Variants in IFT122 observed in about 807,000 individuals in gnomAD.
IFT122 encodes the protein intraflagellar transport protein 122 homolog.
In IFT122, 118 loss-of-function variants were observed where a neutral mutation model predicts 161.6. That is an observed-to-expected ratio of 0.73 (90% confidence interval 0.63 to 0.85). The LOEUF (loss-of-function observed/expected upper bound fraction) is 0.85, where lower values mean the gene tolerates loss of function less well. IFT122 is among the 40% of genes least tolerant of loss of function. The pLI is 0.00. For synonymous variants in IFT122, 550 were observed against 602.4 expected, an observed-to-expected ratio of 0.91 and a Z score of 1.27; for missense variants, 1,381 against 1,579.6, an observed-to-expected ratio of 0.87 and a Z score of 2.13.
chr3:129,489,178 A>G (rs1475374060), intron 16 of IFT122, among the ~76,000 whole-genome samples: 11 of 152,224 alleles, frequency 7.2e-5, no homozygotes, highest in Admixed American at 5.9e-4. Flanking sequence ...AGGAGTGGCA[A>G]AGAGGGACGT....
chr3:129,466,877 T>G lies in IFT122; in HGVS notation c.564-13T>G. ...AGGCAATGTAATTTTGAACAACTAC[T>G]TACTGTCTACAGCCGATGGGAGAGT... On this transcript the variant is annotated splice_polypyrimidine_tract_variant and intron_variant, in intron 7 of 29. Transcript: ENST00000348417. The G allele has an allele frequency of 6.2e-7, 1 of 1,613,026 alleles. No individual in the cohort carries two copies. Among genetic ancestry groups the G allele is most frequent in the Non-Finnish European group, 8.5e-7 (1 of 1,178,930 alleles).
At chr3:129,490,133 G>T (rs1056356739) in intron 16 of IFT122, among the ~76,000 whole-genome samples, 8 of 152,182 alleles carry the variant, frequency 5.3e-5, no homozygotes, top group African/African-American at 1.9e-4. Flanking sequence ...AAAGTGCTGG[G>T]ATTACAGGTA....
chr3:129,447,652 A>G (rs2074187104), intron 1 of IFT122, among the ~76,000 whole-genome samples: 1 of 152,102 alleles, frequency 6.6e-6, no homozygotes, highest in Admixed American at 6.5e-5. Flanking sequence ...AGCTGGGATT[A>G]CAGGCGCCCG....
chr3:129,492,819 T>C (rs1386242787), intron 17 of IFT122, among the ~76,000 whole-genome samples: 2 of 149,672 alleles, frequency 1.3e-5, no homozygotes, highest in Non-Finnish European at 3.0e-5. Context: ...TTTTTTTCTT[T>C]TTTTTTTTTT....
chr3:129,459,652 TCTTC>T lies in IFT122; in HGVS notation c.272+989_272+992del, dbSNP rs1189521762. Among the ~76,000 whole-genome samples the T allele has an allele frequency of 9.7e-3, 893 of 92,526 alleles. 24 individuals carry two copies. Among genetic ancestry groups the T allele is most frequent in the African/African-American group, 0.034 (755 of 22,178 alleles). 60.7% of individuals were successfully genotyped at this position (92,526 alleles called of 152,430 possible). A position where few individuals can be genotyped will look rare whatever the true frequency, so the allele number is the denominator to read the frequency against. On this transcript the variant is annotated intron_variant, in intron 4 of 29. Coordinates refer to ENST00000348417, the MANE Select transcript of IFT122 (RefSeq NM_052989.3). ...TCCTTCCTTCCCTCCCTCCCTCCCT[TCTTC>T]CTTCCTTCCTTCCCTCCCTCCCTCC...
At chr3:129,454,840 C>A (rs1295439386) in intron 3 of IFT122, among the ~76,000 whole-genome samples, 1 of 152,138 alleles carries the variant, frequency 6.6e-6, no homozygotes, top group Non-Finnish European at 1.5e-5. Flanking sequence ...TTGCAGAGTC[C>A]TGTCACACAC....
intron 1 of IFT122, among the ~76,000 whole-genome samples, chr3:129,447,547 C>T (rs962966321): frequency 2.6e-5 from 4 of 152,122 alleles, no homozygotes; most frequent in African/African-American, 9.7e-5. Context: ...CAGAGTCTTG[C>T]TGTCACCCAG....
intron 9 of IFT122, among the ~76,000 whole-genome samples, chr3:129,475,686 C>T (rs758635681): frequency 6.6e-6 from 1 of 151,924 alleles, no homozygotes; most frequent in Non-Finnish European, 1.5e-5. Flanking sequence ...TGGTGGCACT[C>T]ACCTATGGTC....
chr3:129,513,268 G>A (rs1020929144), intron 24 of IFT122: 1 of 152,238 alleles, frequency 6.6e-6, no homozygotes, highest in African/African-American at 2.4e-5. Context: ...GATGTCAGGA[G>A]ACATAATTGT....
At chr3:129,501,672 CA>C (rs1388402576) in intron 19 of IFT122, among the ~76,000 whole-genome samples, 1 of 152,218 alleles carries the variant, frequency 6.6e-6, no homozygotes, top group East Asian at 1.9e-4. Flanking sequence ...TCAAGAAACA[CA>C]TTAAGCATGT....
Position 129,520,428 on chromosome 3 carries a change from T to C in IFT122, c.*163T>C. ...ACCACGGAATTCCTATTTATGGCATTTCATGCCTTGTAAATAGCACCAGGA... is the reference window on the plus strand; with the variant it reads ...ACCACGGAATTCCTATTTATGGCATCTCATGCCTTGTAAATAGCACCAGGA... On this transcript the variant is annotated 3_prime_UTR_variant, in exon 30 of 30. Transcript: ENST00000348417. The C allele has an allele frequency of 1.5e-6, 1 of 687,100 alleles. No homozygotes were observed. The highest frequency in any genetic ancestry group is 2.7e-6 in the Non-Finnish European group (1 of 376,648). 42.6% of individuals were successfully genotyped at this position (687,100 alleles called of 1,614,324 possible). A position where few individuals can be genotyped will look rare whatever the true frequency, so the allele number is the denominator to read the frequency against.
chr3:129,444,315 T>A (rs1274627052), intron 1 of IFT122, among the ~76,000 whole-genome samples: 1 of 152,218 alleles, frequency 6.6e-6, no homozygotes, highest in African/African-American at 2.4e-5. Flanking sequence ...GTGAGGAAGC[T>A]GAAAAACTCA....
intron 9 of IFT122, among the ~76,000 whole-genome samples, chr3:129,470,897 A>G (rs2077301612): frequency 6.6e-6 from 1 of 152,210 alleles, no homozygotes. Flanking sequence ...AAAGGACCTG[A>G]GTAGTGTGAA....
chr3:129,518,541 C>G (rs1213584510), intron 27 of IFT122, among the ~76,000 whole-genome samples: 1 of 152,176 alleles, frequency 6.6e-6, no homozygotes, highest in Non-Finnish European at 1.5e-5. Flanking sequence ...CACCCAGGCT[C>G]CCTCAGGTGC....
rs2076382613 is a variant in IFT122, at chr3:129,463,395, A to G, written c.350-165A>G. 8.1e-6 allele frequency: 5 copies of G among 616,980 alleles called. No homozygotes were observed. In the South Asian group the frequency reaches 9.1e-5, roughly 11 times the overall value. The allele number at this position is 616,980 out of a possible 1,614,324, so 38.2% of individuals were successfully genotyped here. On this transcript the variant is annotated intron_variant, in intron 5 of 29. Transcript: ENST00000348417. ...ATTTTGTCATTCAAGAATGTTATATAAATGGAATCGTACAGTATATGACCT... is the reference window on the plus strand; with the variant it reads ...ATTTTGTCATTCAAGAATGTTATATGAATGGAATCGTACAGTATATGACCT...
At chr3:129,518,136 C>T (rs2626007) in intron 27 of IFT122, among the ~76,000 whole-genome samples, 6,090 of 152,308 alleles carry the variant, frequency 0.04, 364 homozygotes, top group African/African-American at 0.12. Flanking sequence ...TCTTTGGCAG[C>T]CCCGTGGTGC....
At chr3:129,445,038 G>A (rs1490208369) in intron 1 of IFT122, among the ~76,000 whole-genome samples, 3 of 152,156 alleles carry the variant, frequency 2.0e-5, no homozygotes, top group East Asian at 3.9e-4. Flanking sequence ...GATTGCCTGG[G>A]TTTGAGGCCG....
chr3:129,508,438 A>G (rs977586633), intron 23 of IFT122, among the ~76,000 whole-genome samples: 1 of 152,142 alleles, frequency 6.6e-6, no homozygotes, highest in African/African-American at 2.4e-5. Context: ...CCTCCTTTCA[A>G]CCACACTTTG....
chr3:129,508,687 T>C (rs1231458155), intron 23 of IFT122, among the ~76,000 whole-genome samples: 2 of 152,242 alleles, frequency 1.3e-5, no homozygotes, highest in Non-Finnish European at 2.9e-5. Flanking sequence ...CTTTGGGATT[T>C]GACGAACTCT....
Sources: allele counts gnomAD v4.1 joint callset (sites outside exome capture counted in the v4.1 genomes callset), GRCh38; gene constraint gnomAD v4.1.1; transcripts MANE v1.5; gene names NCBI Gene and HGNC (gene_info 2026-07-23, HGNC 2026-07-21).